The following BICC1 variants were observed in gnomAD, a reference collection of about 807,000 sequenced individuals.
BICC1 encodes the protein protein bicaudal C homolog 1.
A neutral mutation model predicts 111.0 loss-of-function variants in BICC1; 43 were observed. That is an observed-to-expected ratio of 0.39 (90% confidence interval 0.30 to 0.50). The LOEUF (loss-of-function observed/expected upper bound fraction) is 0.50. Ranked by LOEUF, BICC1 falls within the 20% of genes least tolerant of loss-of-function variation. BICC1 has a pLI of 0.88. For synonymous variants in BICC1, 467 were observed against 434.4 expected (o/e 1.07, Z -0.93); for missense variants, 1,091 against 1,203.2 (o/e 0.91, Z 1.38).
At chr10:58,549,952 G>A (rs943781036) in intron 1 of BICC1, among the ~76,000 whole-genome samples, 5 of 151,994 alleles carry the variant, frequency 3.3e-5, no homozygotes, top group African/African-American at 9.7e-5. Context: ...GCCTCCCAAA[G>A]TGCTGGGATT....
chr10:58,560,134 A>G (rs1843564423), intron 1 of BICC1, among the ~76,000 whole-genome samples: 1 of 152,032 alleles, frequency 6.6e-6, no homozygotes, highest in Admixed American at 6.6e-5. Context: ...TGATTTGAGA[A>G]GAATAAATGT....
intron 3 of BICC1, among the ~76,000 whole-genome samples, chr10:58,782,765 T>C (rs1327652544): frequency 6.6e-6 from 1 of 152,210 alleles, no homozygotes; most frequent in East Asian, 1.9e-4. Context: ...TGGCTTGGTA[T>C]CTCCCTCTAC....
At chr10:58,801,604 TTC>T (rs1340539572) in intron 14 of BICC1, among the ~76,000 whole-genome samples, 1 of 152,106 alleles carries the variant, frequency 6.6e-6, no homozygotes, top group African/African-American at 2.4e-5. Context: ...CTTTTTTTTT[TTC>T]CTCCATGTAT....
At chr10:58,684,898 T>TC (rs1839664239) in intron 2 of BICC1, among the ~76,000 whole-genome samples, 1 of 152,176 alleles carries the variant, frequency 6.6e-6, no homozygotes, top group South Asian at 2.1e-4. Flanking sequence ...ATCTTAGTTA[T>TC]TGCCTTCTGC....
At chr10:58,697,316 A>G (rs540312155) in intron 2 of BICC1, among the ~76,000 whole-genome samples, 2 of 152,346 alleles carry the variant, frequency 1.3e-5, no homozygotes, top group South Asian at 4.1e-4. Context: ...CTCTGTCCAT[A>G]GTAGCATTCA....
At chr10:58,686,760 C>T (rs1440842784) in intron 2 of BICC1, among the ~76,000 whole-genome samples, 1 of 152,118 alleles carries the variant, frequency 6.6e-6, no homozygotes, top group Non-Finnish European at 1.5e-5. Flanking sequence ...TTCTAGTTAG[C>T]CATTCGTCTA....
At chr10:58,583,584 C>CTGTG (rs3076149) in intron 1 of BICC1, among the ~76,000 whole-genome samples, 68 of 139,436 alleles carry the variant, frequency 4.9e-4, no homozygotes, top group Non-Finnish European at 6.4e-4. Context: ...TTCTCTCTCT[C>CTGTG]TGTGTGTGTG....
chr10:58,632,943 G>A (rs577585983), intron 2 of BICC1, among the ~76,000 whole-genome samples: 3 of 152,286 alleles, frequency 2.0e-5, no homozygotes, highest in African/African-American at 7.2e-5. Context: ...TAGAGGATAT[G>A]TAGAAGGATT....
chr10:58,526,969 T>C (rs9416704), intron 1 of BICC1, among the ~76,000 whole-genome samples: 69,823 of 151,920 alleles, frequency 0.46, 17,092 homozygotes, highest in Admixed American at 0.62. Context: ...GGTCAAATGG[T>C]ATTTCTAGTT....
intron 3 of BICC1, among the ~76,000 whole-genome samples, chr10:58,780,941 C>T (rs565047843): frequency 3.9e-5 from 6 of 152,220 alleles, no homozygotes; most frequent in Admixed American, 1.3e-4. Context: ...ATATGAAAGT[C>T]ACAAGAACCT....
chr10:58,720,032 G>C (rs556062601), intron 3 of BICC1, among the ~76,000 whole-genome samples: 2 of 152,284 alleles, frequency 1.3e-5, no homozygotes, highest in South Asian at 4.1e-4. Flanking sequence ...ATGAATGATT[G>C]CTGCTTCTTT....
intron 18 of BICC1, among the ~76,000 whole-genome samples, chr10:58,816,569 C>T (rs1844095508): frequency 6.6e-6 from 1 of 152,044 alleles, no homozygotes; most frequent in African/African-American, 2.4e-5. Flanking sequence ...CACATGGATC[C>T]CCAGAGTAGA....
intron 16 of BICC1, 139 bp downstream of exon 16, chr10:58,806,762 C>T (rs781083678): frequency 1.6e-5 from 13 of 834,868 alleles, no homozygotes; most frequent in Non-Finnish European, 2.1e-5. Flanking sequence ...TGCATACATT[C>T]TGTTGAATAT....
intron 3 of BICC1, among the ~76,000 whole-genome samples, chr10:58,760,721 A>G (rs889797322): frequency 3.3e-5 from 5 of 152,172 alleles, no homozygotes; most frequent in Admixed American, 1.3e-4. Flanking sequence ...AAGGAGAATC[A>G]TAGATTTATA....
At chr10:58,700,560 A>G (rs1356460439) in intron 2 of BICC1, among the ~76,000 whole-genome samples, 3 of 152,230 alleles carry the variant, frequency 2.0e-5, no homozygotes, top group Non-Finnish European at 2.9e-5. Flanking sequence ...TCAGGGCCAG[A>G]CCAGTACCTT....
Position 58,685,387 on chromosome 10 carries a change from T to C in BICC1, c.238-16687T>C, listed in dbSNP as rs1344458825. Among the ~76,000 whole-genome samples, 4 of 152,212 alleles carry C rather than the reference T, an allele frequency of 2.6e-5. No homozygotes were observed. The South Asian group carries it at 8.3e-4, about 32-fold the overall frequency. On this transcript the variant is annotated intron_variant, in intron 2 of 20. Coordinates refer to ENST00000373886, the MANE Select transcript of BICC1 (RefSeq NM_001080512.3). ...CTCTGTAGATGTCTATTAGGTCCGC[T>C]TGGTGCAGAGTTGAGTTCAATTCCT...
chr10:58,588,893 A>G (rs1216992407), intron 1 of BICC1, among the ~76,000 whole-genome samples: 2 of 152,130 alleles, frequency 1.3e-5, no homozygotes, highest in Non-Finnish European at 2.9e-5. Context: ...CAGGATGGCT[A>G]CTGCAAGCAC....
chr10:58,545,630 G>T (rs982862670), intron 1 of BICC1, among the ~76,000 whole-genome samples: 1 of 152,160 alleles, frequency 6.6e-6, no homozygotes, highest in Non-Finnish European at 1.5e-5. Flanking sequence ...ATTAGAAACA[G>T]ATGCCTTCAA....
chr10:58,616,843 C>T (rs1382549649), intron 1 of BICC1, among the ~76,000 whole-genome samples: 3 of 152,220 alleles, frequency 2.0e-5, no homozygotes, highest in Admixed American at 6.5e-5. Flanking sequence ...ATAGCCCCAC[C>T]ATATGTCATG....
Sources: allele counts gnomAD v4.1 joint callset (sites outside exome capture counted in the v4.1 genomes callset), GRCh38; gene constraint gnomAD v4.1.1; transcripts MANE v1.5; gene names NCBI Gene and HGNC (gene_info 2026-07-23, HGNC 2026-07-21).